PLPPR1: variants seen among roughly 807,000 people sequenced by gnomAD.
PLPPR1 encodes phospholipid phosphatase related 1.
Under a neutral mutation model 33.1 loss-of-function variants are expected in PLPPR1, and 10 were observed. That is an observed-to-expected ratio of 0.30 (90% confidence interval 0.19 to 0.51). PLPPR1 has a LOEUF of 0.51. PLPPR1 is among the 20% of genes least tolerant of loss of function. PLPPR1 has a pLI of 0.97. For missense variants in PLPPR1, 304 were observed against 408.1 expected (o/e 0.74, Z 2.20); for synonymous variants, 151 against 151.0 (o/e 1.00, Z 0.00).
intron 1 of PLPPR1, among the ~76,000 whole-genome samples, chr9:101,087,155 G>A (rs1830687754): frequency 7.8e-6 from 1 of 127,856 alleles, no homozygotes; most frequent in Non-Finnish European, 1.8e-5. Context: ...TCCAGCCTGG[G>A]TGACAGACTG....
intron 1 of PLPPR1, among the ~76,000 whole-genome samples, chr9:101,065,229 C>G (rs1488533603): frequency 1.3e-5 from 2 of 152,056 alleles, no homozygotes; most frequent in Non-Finnish European, 2.9e-5. Flanking sequence ...ACTTAACCTC[C>G]TCCATGCACA....
At chr9:101,317,840 G>A (rs1829084291) in intron 7 of PLPPR1, among the ~76,000 whole-genome samples, 1 of 152,132 alleles carries the variant, frequency 6.6e-6, no homozygotes, top group African/African-American at 2.4e-5. Flanking sequence ...GATCATATTT[G>A]GAAAGAAAAA....
intron 4 of PLPPR1, among the ~76,000 whole-genome samples, chr9:101,304,843 G>A (rs542581543): frequency 7.9e-5 from 12 of 152,304 alleles, no homozygotes; most frequent in South Asian, 6.2e-4. Flanking sequence ...TCTATAGAGC[G>A]TGCACAAAGC....
chr9:101,080,786 T>C (rs1167424248), intron 1 of PLPPR1, among the ~76,000 whole-genome samples: 4 of 152,186 alleles, frequency 2.6e-5, no homozygotes, highest in African/African-American at 9.6e-5. Context: ...TGCACTCAAC[T>C]GTTTGGAGAC....
chr9:101,134,842 C>A, intron 1 of PLPPR1, among the ~76,000 whole-genome samples: 1 of 152,110 alleles, frequency 6.6e-6, no homozygotes, highest in Non-Finnish European at 1.5e-5. Flanking sequence ...TACGGAGCAG[C>A]AGATGAATGA....
chr9:101,324,514 C>G lies in PLPPR1; in HGVS notation c.*457C>G, dbSNP rs1829217851. 2.0e-5 allele frequency: 3 copies of G among 153,050 alleles called. No homozygotes were observed. The Admixed American group carries it at 2.0e-4, about 10-fold the overall frequency. 9.5% of individuals were successfully genotyped at this position (153,050 alleles called of 1,614,324 possible). ...GACAATGTTGGTTAATAATAAATCTCAAAGTCAATTGTAGAAAAAAAATTG... is the reference window on the plus strand; with the variant it reads ...GACAATGTTGGTTAATAATAAATCTGAAAGTCAATTGTAGAAAAAAAATTG... On this transcript the variant is annotated 3_prime_UTR_variant, in exon 8 of 8. Transcript: ENST00000374874.
At chr9:101,198,330 T>G (rs530571518) in intron 2 of PLPPR1, among the ~76,000 whole-genome samples, 4 of 152,266 alleles carry the variant, frequency 2.6e-5, no homozygotes, top group African/African-American at 9.6e-5. Context: ...CTTAGATCAC[T>G]TATGCAAATC....
chr9:101,226,269 C>T (rs1435836057), intron 2 of PLPPR1, among the ~76,000 whole-genome samples: 1 of 152,046 alleles, frequency 6.6e-6, no homozygotes, highest in Non-Finnish European at 1.5e-5. Flanking sequence ...TGATTCCCCT[C>T]CCCCCTCCTC....
chr9:101,119,069 C>T (rs1831147437), intron 1 of PLPPR1, among the ~76,000 whole-genome samples: 1 of 152,138 alleles, frequency 6.6e-6, no homozygotes, highest in African/African-American at 2.4e-5. Flanking sequence ...TGGGAATGGG[C>T]CAGCCAAATT....
At chr9:101,035,651 CAT>C (rs1266579846) in intron 1 of PLPPR1, among the ~76,000 whole-genome samples, 1 of 152,118 alleles carries the variant, frequency 6.6e-6, no homozygotes, top group Non-Finnish European at 1.5e-5. Flanking sequence ...TTGTGCCTAA[CAT>C]AGTGCTTGGC....
At chr9:101,281,104 AT>A (rs202142744) in intron 3 of PLPPR1, among the ~76,000 whole-genome samples, 1 of 150,748 alleles carries the variant, frequency 6.6e-6, no homozygotes, top group Non-Finnish European at 1.5e-5. Context: ...AAACAAAAAA[AT>A]GGTAGCATTT....
At chr9:101,186,461 C>T (rs777787671) in intron 2 of PLPPR1, among the ~76,000 whole-genome samples, 3 of 151,830 alleles carry the variant, frequency 2.0e-5, no homozygotes, top group Middle Eastern at 3.4e-3. Flanking sequence ...CATATTCTTT[C>T]TTACGGCATC....
At chr9:101,110,404 T>G (rs1284860627) in intron 1 of PLPPR1, among the ~76,000 whole-genome samples, 4 of 152,178 alleles carry the variant, frequency 2.6e-5, no homozygotes, top group African/African-American at 9.6e-5. Flanking sequence ...TATGGAGACA[T>G]CTAGCAAAAT....
chr9:101,053,640 C>T (rs753598556), intron 1 of PLPPR1, among the ~76,000 whole-genome samples: 7 of 152,096 alleles, frequency 4.6e-5, no homozygotes, highest in Non-Finnish European at 7.3e-5. Context: ...AAATGAGATA[C>T]TGTCTGTATG....
chr9:101,120,104 T>C (rs1831160343), intron 1 of PLPPR1, among the ~76,000 whole-genome samples: 2 of 152,264 alleles, frequency 1.3e-5, no homozygotes, highest in South Asian at 4.1e-4. Flanking sequence ...GTCACACATC[T>C]TGACACCTAA....
chr9:101,164,365 C>T (rs200444368), intron 1 of PLPPR1, among the ~76,000 whole-genome samples: 17 of 133,512 alleles, frequency 1.3e-4, no homozygotes, highest in African/African-American at 2.7e-4. Context: ...CTTTTCTTTT[C>T]TTTTTTTTTT....
chr9:101,147,953 C>A (rs1831540202), intron 1 of PLPPR1, among the ~76,000 whole-genome samples: 1 of 152,140 alleles, frequency 6.6e-6, no homozygotes, highest in Admixed American at 6.6e-5. Flanking sequence ...GGGCATTCTG[C>A]AAACCATGGT....
At chr9:101,240,967 C>T (rs1047762407) in intron 2 of PLPPR1, among the ~76,000 whole-genome samples, 3 of 152,056 alleles carry the variant, frequency 2.0e-5, no homozygotes, top group Admixed American at 6.6e-5. Flanking sequence ...TACTTGAACA[C>T]GGTAAAACAA....
At chr9:101,180,747 A>G (rs1167927592) in intron 1 of PLPPR1, among the ~76,000 whole-genome samples, 1 of 152,032 alleles carries the variant, frequency 6.6e-6, no homozygotes, top group Non-Finnish European at 1.5e-5. Flanking sequence ...CTCAAAGTGG[A>G]TTACGTACTT....
Sources: allele counts gnomAD v4.1 joint callset (sites outside exome capture counted in the v4.1 genomes callset), GRCh38; gene constraint gnomAD v4.1.1; transcripts MANE v1.5; gene names NCBI Gene and HGNC (gene_info 2026-07-23, HGNC 2026-07-21).